Variants in TBC1D19 observed in about 807,000 individuals in gnomAD.
The protein encoded by TBC1D19 is TBC1 domain family member 19.
TBC1D19 carries 60 observed loss-of-function variants against 89.0 expected under a neutral mutation model. The observed-to-expected ratio is 0.67, with a 90% confidence interval of 0.55 to 0.84. TBC1D19 has a LOEUF of 0.84. Ranked by LOEUF, TBC1D19 falls within the 40% of genes least tolerant of loss-of-function variation. The probability of loss-of-function intolerance (pLI) is 0.00; values close to 1 mark genes in which losing one functional copy is unlikely to be tolerated. For synonymous variants in TBC1D19, 189 were observed against 199.7 expected, an observed-to-expected ratio of 0.95 and a Z score of 0.45; for missense variants, 500 against 610.8, an observed-to-expected ratio of 0.82 and a Z score of 1.91.
chr4:26,802,315 C>G, the TBC1D19 span, among the ~76,000 whole-genome samples: 1,052 of 152,238 alleles, frequency 6.9e-3, 7 homozygotes, highest in African/African-American at 0.024. Context: ...AGAGTGATTT[C>G]CTTGGCCCAG....
chr4:26,737,327 A>T (rs1048309130), intron 16 of TBC1D19, among the ~76,000 whole-genome samples: 6 of 152,160 alleles, frequency 3.9e-5, no homozygotes, highest in Admixed American at 2.6e-4. Context: ...TAAAATAGAA[A>T]ACCAAAAAAG....
the TBC1D19 span, among the ~76,000 whole-genome samples, chr4:26,837,576 A>G: frequency 6.6e-6 from 1 of 152,220 alleles, no homozygotes; most frequent in African/African-American, 2.4e-5. Flanking sequence ...CACATATGTG[A>G]TATCATTTGA....
intron 13 of TBC1D19, among the ~76,000 whole-genome samples, chr4:26,690,627 G>A (rs1278723192): frequency 6.6e-6 from 1 of 152,184 alleles, no homozygotes; most frequent in Non-Finnish European, 1.5e-5. Context: ...AATGGAACAA[G>A]AAAGCCTAGA....
At chr4:26,855,691 G>A in the TBC1D19 span, among the ~76,000 whole-genome samples, 1 of 152,128 alleles carries the variant, frequency 6.6e-6, no homozygotes, top group Non-Finnish European at 1.5e-5. Flanking sequence ...TCTTCTCCTT[G>A]CTGATATATG....
chr4:26,857,462 T>G, the TBC1D19 span, among the ~76,000 whole-genome samples: 1 of 152,112 alleles, frequency 6.6e-6, no homozygotes, highest in African/African-American at 2.4e-5. Flanking sequence ...GCGCCGGAAT[T>G]CCCCACTTCT....
At chr4:26,839,786 T>C in the TBC1D19 span, among the ~76,000 whole-genome samples, 1 of 152,208 alleles carries the variant, frequency 6.6e-6, no homozygotes, top group Admixed American at 6.5e-5. Context: ...GTTGACCTTC[T>C]GCGGCATTGC....
At chr4:26,591,378 G>A (rs1211828048) in intron 1 of TBC1D19, among the ~76,000 whole-genome samples, 1 of 151,946 alleles carries the variant, frequency 6.6e-6, no homozygotes, top group East Asian at 1.9e-4. Context: ...CACCACTGTG[G>A]AACAGGAATT....
intron 13 of TBC1D19, among the ~76,000 whole-genome samples, 200 bp downstream of exon 13, chr4:26,688,607 T>TC (rs1372486616): frequency 5.3e-5 from 8 of 152,198 alleles, no homozygotes; most frequent in Non-Finnish European, 1.0e-4. Flanking sequence ...TCCCAATTGT[T>TC]TCTTTTTGTC....
chr4:26,832,879 A>G, the TBC1D19 span, among the ~76,000 whole-genome samples: 8 of 152,264 alleles, frequency 5.3e-5, no homozygotes, highest in African/African-American at 1.9e-4. Context: ...CTGTAATCCC[A>G]GCTACTAGGG....
chr4:26,756,362 G>A (rs905982535), downstream of TBC1D19, among the ~76,000 whole-genome samples: 15 of 152,136 alleles, frequency 9.9e-5, no homozygotes, highest in African/African-American at 3.6e-4. Flanking sequence ...AAATGATCTC[G>A]TTCACATGCA....
intron 17 of TBC1D19, chr4:26,740,868 C>T (rs994205438): frequency 1.0e-5 from 10 of 985,304 alleles, no homozygotes; most frequent in African/African-American, 3.5e-5. Flanking sequence ...TCACCTTCCT[C>T]CATCTCCAGT....
the TBC1D19 span, chr4:26,858,877 TA>T: frequency 6.6e-6 from 1 of 151,464 alleles, no homozygotes; most frequent in Admixed American, 6.6e-5. Context: ...TCCCTATCTT[TA>T]AAAGAAGAAA....
At chr4:26,631,107 CACCTTGACA>C (rs1324386560) in intron 4 of TBC1D19, among the ~76,000 whole-genome samples, 1 of 152,020 alleles carries the variant, frequency 6.6e-6, no homozygotes, top group Non-Finnish European at 1.5e-5. Context: ...AAGACCTCTC[CACCTTGACA>C]TAGTGTTATA....
the TBC1D19 span, among the ~76,000 whole-genome samples, chr4:26,835,250 G>T: frequency 1.3e-5 from 2 of 152,064 alleles, no homozygotes; most frequent in African/African-American, 2.4e-5. Context: ...TGGAGGAAGG[G>T]GCCATGAGCC....
chr4:26,616,630 A>G (rs2110022775), intron 3 of TBC1D19, among the ~76,000 whole-genome samples: 1 of 152,346 alleles, frequency 6.6e-6, no homozygotes, highest in South Asian at 2.1e-4. Context: ...TATAGAACAC[A>G]TGAGCTATAC....
intron 1 of TBC1D19, among the ~76,000 whole-genome samples, chr4:26,594,250 A>G (rs1740038799): frequency 1.3e-5 from 2 of 152,116 alleles, no homozygotes; most frequent in South Asian, 4.1e-4. Context: ...ACAAAAAACC[A>G]AACACTGCAT....
chr4:26,781,584 AT>A, the TBC1D19 span, among the ~76,000 whole-genome samples: 1 of 152,232 alleles, frequency 6.6e-6, no homozygotes, highest in Non-Finnish European at 1.5e-5. Context: ...TTTAATTAAC[AT>A]TTTAAGTGGT....
the TBC1D19 span, among the ~76,000 whole-genome samples, chr4:26,832,229 G>A: frequency 3.9e-4 from 60 of 152,254 alleles, no homozygotes; most frequent in Middle Eastern, 0.031. Context: ...TTTGGCAAAT[G>A]AGTGCAGTAA....
the TBC1D19 span, among the ~76,000 whole-genome samples, chr4:26,799,593 G>C: frequency 6.6e-6 from 1 of 152,154 alleles, no homozygotes; most frequent in Non-Finnish European, 1.5e-5. Flanking sequence ...AGGTGATCAG[G>C]TTATAAGAGC....
Sources: allele counts gnomAD v4.1 joint callset (sites outside exome capture counted in the v4.1 genomes callset), GRCh38; gene constraint gnomAD v4.1.1; transcripts MANE v1.5; gene names NCBI Gene and HGNC (gene_info 2026-07-23, HGNC 2026-07-21).